Variants in PTP4A1 observed in about 807,000 individuals in gnomAD.
PTP4A1 encodes the protein protein tyrosine phosphatase 4A1, also known as protein tyrosine phosphatase type IVA 1.
PTP4A1 carries 9 observed loss-of-function variants against 20.5 expected under a neutral mutation model. That is an observed-to-expected ratio of 0.44 (90% CI 0.26 to 0.77). PTP4A1 has a LOEUF of 0.77. PTP4A1 is among the 30% of genes least tolerant of loss of function. The pLI, the probability that PTP4A1 is intolerant of heterozygous loss-of-function variation, is 0.19. For missense variants in PTP4A1, 137 were observed against 218.8 expected (o/e 0.63, Z 2.36); for synonymous variants, 78 against 67.4 (o/e 1.16, Z -0.77).
At chr6:63,533,174 G>A (rs1468710399) in intron 2 of PTP4A1, among the ~76,000 whole-genome samples, 1 of 152,192 alleles carries the variant, frequency 6.6e-6, no homozygotes. Context: ...TTGAGGTCAC[G>A]AGTTCAATAC....
rs1328079099 is a variant in PTP4A1, at chr6:63,576,897, G to A, written c.17G>A (p.Arg6His). 2 of 1,613,122 alleles carry A rather than the reference G, an allele frequency of 1.2e-6. No homozygotes were observed. The highest frequency in any genetic ancestry group is 1.7e-5 in the Admixed American group (1 of 59,958). The change falls in exon 2 of 6, where the codon CGC becomes CAC. Residue 6 changes from arginine (R) to histidine (H), a missense_variant. Coordinates refer to ENST00000626021, the MANE Select transcript of PTP4A1 (RefSeq NM_003463.5). Reference protein sequence around the residue: MARMNRPAPVEVTYKN... With the variant: MARMNHPAPVEVTYKN... The stretch of plus-strand genomic sequence containing the variant: ...TAAATTAACATGGCTCGAATGAACC[G>A]CCCAGCTCCTGTGGAAGTCACATAC...
intron 2 of PTP4A1, among the ~76,000 whole-genome samples, chr6:63,542,279 G>A (rs940125499): frequency 6.6e-6 from 1 of 151,962 alleles, no homozygotes; most frequent in African/African-American, 2.4e-5. Context: ...AGGGGGAAAG[G>A]GTGGGAAGAG....
chr6:63,562,546 G>A (rs1230244054), intron 3 of PTP4A1, among the ~76,000 whole-genome samples: 1 of 152,168 alleles, frequency 6.6e-6, no homozygotes, highest in Non-Finnish European at 1.5e-5. Context: ...GATACTTCAA[G>A]TGATATCACC....
chr6:63,566,728 T>C (rs1777206049), intron 3 of PTP4A1, among the ~76,000 whole-genome samples: 1 of 152,142 alleles, frequency 6.6e-6, no homozygotes, highest in Non-Finnish European at 1.5e-5. Flanking sequence ...TTTCTTGAAA[T>C]AAGACAATGG....
chr6:63,542,040 T>TGTGTGTGTGTGTGTGTGTGTGC (rs1776002564), intron 2 of PTP4A1, among the ~76,000 whole-genome samples: 1 of 151,600 alleles, frequency 6.6e-6, no homozygotes, highest in African/African-American at 2.4e-5. Context: ...TGTGTGTGTG[T>TGTGTGTGTGTGTGTGTGTGTGC]GTGTGTGTGT....
chr6:63,561,229 TTGTA>T (rs1776935894), intron 3 of PTP4A1, among the ~76,000 whole-genome samples: 1 of 152,182 alleles, frequency 6.6e-6, no homozygotes, highest in African/African-American at 2.4e-5. Flanking sequence ...CACATAATAC[TTGTA>T]TGACCCTAAG....
chr6:63,577,056 A>C, intron 2 of PTP4A1, 71 bp downstream of exon 2: 1 of 1,250,798 alleles, frequency 8.0e-7, no homozygotes, highest in Non-Finnish European at 1.1e-6. Flanking sequence ...CTAACAAAAT[A>C]AAAACTACTT....
chr6:63,560,076 A>G (rs1024180719), intron 3 of PTP4A1, among the ~76,000 whole-genome samples: 7 of 152,200 alleles, frequency 4.6e-5, no homozygotes, highest in African/African-American at 1.7e-4. Context: ...ACCAATTTCC[A>G]TAGTTTTCAT....
At chr6:63,536,557 CTT>C (rs1326709686) in intron 2 of PTP4A1, among the ~76,000 whole-genome samples, 1 of 152,102 alleles carries the variant, frequency 6.6e-6, no homozygotes, top group African/African-American at 2.4e-5. Flanking sequence ...CAAATCACCA[CTT>C]ATATTTTATC....
chr6:63,540,197 G>C (rs949492534), intron 2 of PTP4A1, among the ~76,000 whole-genome samples: 2 of 152,126 alleles, frequency 1.3e-5, no homozygotes, highest in Non-Finnish European at 2.9e-5. Flanking sequence ...AACAAAATGT[G>C]GTAGATGCAC....
At chr6:63,564,162 G>C (rs1403246570) in intron 3 of PTP4A1, among the ~76,000 whole-genome samples, 1 of 151,872 alleles carries the variant, frequency 6.6e-6, no homozygotes, top group African/African-American at 2.4e-5. Context: ...GGTAATCCTA[G>C]CTGCTTGGGA....
chr6:63,552,526 C>T (rs1161848657), intron 3 of PTP4A1, among the ~76,000 whole-genome samples: 1 of 152,142 alleles, frequency 6.6e-6, no homozygotes, highest in Non-Finnish European at 1.5e-5. Flanking sequence ...TGTGCAGAAG[C>T]TCTTTAGTTT....
At chr6:63,578,390 G>A (rs752529671) in intron 2 of PTP4A1, 47 bp from the exon 3 acceptor site, 1 of 1,569,390 alleles carries the variant, frequency 6.4e-7, no homozygotes, top group Admixed American at 2.0e-5. Context: ...TTGAGTTATA[G>A]TGATGTGGTT....
chr6:63,554,652 ACATGGTGG>A (rs1776597717), intron 3 of PTP4A1, among the ~76,000 whole-genome samples: 1 of 151,944 alleles, frequency 6.6e-6, no homozygotes, highest in Non-Finnish European at 1.5e-5. Flanking sequence ...CAAAAATTAG[ACATGGTGG>A]CATGTAGTCC....
intron 1 of PTP4A1, among the ~76,000 whole-genome samples, chr6:63,524,603 A>G (rs950140910): frequency 3.3e-5 from 5 of 152,216 alleles, no homozygotes; most frequent in Non-Finnish European, 5.9e-5. Context: ...ATGTAAAAAT[A>G]AAATTATCCA....
At chr6:63,548,742 G>T in intron 2 of PTP4A1, 1 of 680,544 alleles carries the variant, frequency 1.5e-6, no homozygotes, top group Non-Finnish European at 2.6e-6. Flanking sequence ...TTGAGCCTTT[G>T]CCTTTTCGAG....
At position 63,576,862 on chromosome 6, in the gene PTP4A1, GTTT is replaced by G; in HGVS notation, c.-15_-13del. On this transcript the variant is annotated 5_prime_UTR_variant, in exon 2 of 6. Coordinates refer to ENST00000626021, the MANE Select transcript of PTP4A1 (RefSeq NM_003463.5). Reference sequence around the variant, plus strand: ...TAATTATTTCATAACCCTATTGAGTGTTTTTTAACTAAATTAACATGGCTCGAA... The same window carrying G: ...TAATTATTTCATAACCCTATTGAGTGTTTAACTAAATTAACATGGCTCGAA... 1 of 1,594,998 alleles carries G rather than the reference GTTT, an allele frequency of 6.3e-7. No homozygotes were observed. Among genetic ancestry groups the G allele is most frequent in the Non-Finnish European group, 8.6e-7 (1 of 1,167,856 alleles).
chr6:63,533,548 T>C (rs1041399148), intron 2 of PTP4A1, among the ~76,000 whole-genome samples: 1 of 152,208 alleles, frequency 6.6e-6, no homozygotes, highest in Non-Finnish European at 1.5e-5. Context: ...CTTACCAAAC[T>C]ATAGTATGCG....
At chr6:63,565,874 T>C (rs540647203) in intron 3 of PTP4A1, among the ~76,000 whole-genome samples, 42 of 152,370 alleles carry the variant, frequency 2.8e-4, no homozygotes, top group Non-Finnish European at 5.4e-4. Context: ...CTTTTTAATA[T>C]AGAGCATGTT....
Sources: gnomAD v4.1 joint callset for allele counts (sites outside exome capture counted in the v4.1 genomes callset) on GRCh38, gnomAD v4.1.1 for gene constraint, MANE v1.5 for transcripts, NCBI Gene and HGNC (gene_info 2026-07-23, HGNC 2026-07-21) for gene names.